MCM3AP: variants seen among roughly 807,000 people sequenced by gnomAD.
MCM3AP encodes the protein germinal-center associated nuclear protein.
In MCM3AP, 126 loss-of-function variants were observed where a neutral mutation model predicts 184.1. The observed-to-expected ratio is 0.68, with a 90% CI of 0.59 to 0.79. MCM3AP has a LOEUF of 0.79. Among genes scored for constraint, MCM3AP ranks in the 30% least tolerant of loss-of-function variants. MCM3AP has a pLI of 0.00. For synonymous variants in MCM3AP, 1,002 were observed against 979.3 expected, an observed-to-expected ratio of 1.02 and a Z score of -0.43; for missense variants, 2,496 against 2,479.2, an observed-to-expected ratio of 1.01 and a Z score of -0.14.
intron 17 of MCM3AP, among the ~76,000 whole-genome samples, chr21:46,255,175 G>A (rs147095565): frequency 1.1e-4 from 16 of 152,284 alleles, no homozygotes; most frequent in Middle Eastern, 3.4e-3. Flanking sequence ...GGCAGGGTGC[G>A]TGTTGCAGTC....
rs199675529 is a variant in MCM3AP at position 46,236,907 on chromosome 21, G to A, written c.5706C>T (p.Leu1902=). 1 of 1,574,368 alleles carries A rather than the reference G, an allele frequency of 6.4e-7. No homozygotes were observed. Among genetic ancestry groups the A allele is most frequent in the Non-Finnish European group, 8.6e-7 (1 of 1,165,454 alleles). The change falls in exon 27 of 28, where the codon CTC becomes CTT. Residue 1902 remains leucine, a synonymous_variant. Transcript: ENST00000291688. ...GAGACACTAGAGTCTGAGGAAGATA[G>A]AGGGGAAGGGAAGTTAAATCCGTAA... ...GAFTDLTSLP[L]YLPQTLVSLS...
chr21:46,242,863 G>A lies in MCM3AP; in HGVS notation c.5365C>T (p.Pro1789Ser), dbSNP rs1201842625. 14 of 1,612,710 alleles carry A rather than the reference G, an allele frequency of 8.7e-6. No homozygotes were observed. The highest frequency in any genetic ancestry group is 2.7e-5 in the African/African-American group (2 of 74,806). ...FKNDLKKYDV[P>S]LSWEQARLQT... ...AACCTGGCTTGTTCCCACGACAAAG[G>A]AACATCATATTTTTTCAAATCGTTT... is the stretch of plus-strand genomic sequence containing the variant. Residue 1789 changes from proline to serine, a missense_variant, in exon 25 of 28, where the codon CCT becomes TCT. By Grantham distance (74) the Pro-to-Ser change is moderately conservative (BLOSUM62 -1). This residue lies in a region of MCM3AP where 1,323 missense variants were observed against 1,273.4 expected (regional missense o/e 1.04). Coordinates refer to ENST00000291688, the MANE Select transcript of MCM3AP (RefSeq NM_003906.5).
chr21:46,279,960 C>T (rs370592483), intron 4 of MCM3AP, 33 bp downstream of exon 4: 52 of 1,586,558 alleles, frequency 3.3e-5, no homozygotes, highest in South Asian at 2.8e-4. Flanking sequence ...CTGGTCCTTC[C>T]GGAATAAGGT....
In MCM3AP at chr21:46,243,589, C is replaced by T. The variant is rs2080712836; in HGVS notation, c.5172G>A (p.Lys1724=). The T allele has an allele frequency of 6.2e-7, 1 of 1,614,236 alleles. No homozygotes were observed. The highest frequency in any genetic ancestry group is 8.5e-7 in the Non-Finnish European group (1 of 1,180,042). Reference sequence around the variant, plus strand: ...CTGCCCCATGGACTGGGGAGGGACTCTTGCTCTTCCACCTACAGTAGGTTC... The same window carrying T: ...CTGCCCCATGGACTGGGGAGGGACTTTTGCTCTTCCACCTACAGTAGGTTC... The part of the protein sequence containing the change: ...LHRTYCRWKS[K]SPSPVHGAGP... The change falls in exon 24 of 28, where the codon AAG becomes AAA. Residue 1724 remains lysine (K), a synonymous_variant. Transcript: ENST00000291688.
rs756260978 is a variant in MCM3AP at position 46,254,376 on chromosome 21, G to A, written c.4136+16C>T. 6.8e-6 allele frequency: 11 copies of A among 1,612,322 alleles called. No individual in the cohort carries two copies. In the Admixed American group the frequency reaches 1.5e-4, roughly 22 times the overall value. The stretch of plus-strand genomic sequence containing the variant: ...TCCACCTCTTGGAAACCCCACAGGG[G>A]AAAACCCTTCCTGACCTGCCACAAC... On this transcript the variant is annotated intron_variant, in intron 19 of 27. Transcript: ENST00000291688.
chr21:46,264,063 T>G (rs1355055689), intron 13 of MCM3AP, 54 bp downstream of exon 13: 2 of 1,264,640 alleles, frequency 1.6e-6, no homozygotes, highest in Non-Finnish European at 2.3e-6. Context: ...TCTGGAGGAC[T>G]GGGTGCAGCT....
intron 5 of MCM3AP, 27 bp downstream of exon 5, chr21:46,277,500 T>C (rs1272988570): frequency 6.6e-6 from 10 of 1,509,700 alleles, no homozygotes; most frequent in Non-Finnish European, 8.0e-6. Context: ...ACCAGGCCCC[T>C]AGAACCTCTG....
At chr21:46,247,236 G>A (rs1193472895) in intron 20 of MCM3AP, 2 of 224,280 alleles carry the variant, frequency 8.9e-6, no homozygotes, top group Non-Finnish European at 1.8e-5. Flanking sequence ...TTACAGGTTC[G>A]AGGAGCCACC....
At chr21:46,275,990 G>A (rs949547751) in intron 5 of MCM3AP, among the ~76,000 whole-genome samples, 16 of 152,250 alleles carry the variant, frequency 1.1e-4, no homozygotes, top group Admixed American at 9.2e-4. Context: ...GGTGGCTCAC[G>A]CCTGTAATCC....
chr21:46,256,744 G>A (rs757097155), intron 17 of MCM3AP, 45 bp downstream of exon 17: 1 of 1,526,364 alleles, frequency 6.6e-7, no homozygotes, highest in Non-Finnish European at 8.8e-7. Flanking sequence ...AAAACCAAGT[G>A]GGGGCAGGGG....
Position 46,254,478 on chromosome 21 carries a change from G to C in MCM3AP, c.4050C>G (p.His1350Gln), listed in dbSNP as rs753978406. 4.3e-6 allele frequency: 7 copies of C among 1,614,152 alleles called. No homozygotes were observed. In the East Asian group the frequency reaches 6.7e-5, roughly 15 times the overall value. ...SLDLPSLVAE[H>Q]LPGRQEHVFW... is the part of the protein sequence containing the mutation. The stretch of plus-strand genomic sequence containing the variant: ...ACACATGCTCCTGCCTCCCAGGGAG[G>C]TGCTCAGCCACGAGGGATGGCAGGT... Residue 1350 changes from histidine to glutamine, a missense_variant, in exon 19 of 28, where the codon CAC becomes CAG. His to Gln is a conservative substitution (Grantham distance 24). This residue lies in a region of MCM3AP where 1,323 missense variants were observed against 1,273.4 expected (regional missense o/e 1.04). Transcript: ENST00000291688.
In MCM3AP at chr21:46,235,355, G is replaced by GGT; in HGVS notation, c.5855_5856insAC (p.His1952GlnfsTer6). On this transcript the variant is annotated frameshift_variant, in exon 28 of 28. Coordinates refer to ENST00000291688, the MANE Select transcript of MCM3AP (RefSeq NM_003906.5). LOFTEE classifies it high-confidence loss of function. Reference sequence around the variant, plus strand: ...TTGAACTCCGGATCAGCCTTTCCAGGTGCTTTAGTCGTTCGCCTAGACACG... The same window carrying GGT: ...TTGAACTCCGGATCAGCCTTTCCAGGGTTGCTTTAGTCGTTCGCCTAGACACG... 1 of 1,614,130 alleles carries GGT rather than the reference G, an allele frequency of 6.2e-7. No homozygotes were observed. Among genetic ancestry groups the GGT allele is most frequent in the Non-Finnish European group, 8.5e-7 (1 of 1,180,006 alleles).
chr21:46,276,535 G>A (rs902454102), intron 5 of MCM3AP, among the ~76,000 whole-genome samples: 4 of 151,214 alleles, frequency 2.6e-5, no homozygotes, highest in South Asian at 2.1e-4. Context: ...TCAGCCTCCC[G>A]GGTTCAAGCC....
chr21:46,283,147 G>A (rs1428254212), intron 2 of MCM3AP, among the ~76,000 whole-genome samples: 2 of 152,088 alleles, frequency 1.3e-5, no homozygotes, highest in East Asian at 1.9e-4. Context: ...GGATGGTCTG[G>A]ATCTCCTGAC....
At chr21:46,271,331 T>G (rs796842518) in intron 8 of MCM3AP, among the ~76,000 whole-genome samples, 13 of 150,998 alleles carry the variant, frequency 8.6e-5, no homozygotes, top group African/African-American at 2.9e-4. Context: ...CCTGGGTTTT[T>G]TTTTTTTTTT....
At chr21:46,279,627 C>T (rs967406785) in intron 4 of MCM3AP, among the ~76,000 whole-genome samples, 3 of 152,208 alleles carry the variant, frequency 2.0e-5, no homozygotes, top group Admixed American at 1.3e-4. Context: ...TAGAAAATGC[C>T]AAGATGGAAA....
chr21:46,254,550 A>C, intron 18 of MCM3AP, 24 bp from the exon 19 acceptor site: 1 of 1,613,718 alleles, frequency 6.2e-7, no homozygotes, highest in African/African-American at 1.3e-5. Context: ...ACCACCGTGG[A>C]TTAGCCAGTG....
intron 15 of MCM3AP, 101 bp from the exon 16 acceptor site, chr21:46,259,192 A>C: frequency 1.6e-5 from 20 of 1,219,140 alleles, no homozygotes; most frequent in Non-Finnish European, 2.3e-5. Context: ...GCGGTGGCTC[A>C]CGCCTGTAAT....
Position 46,259,123 on chromosome 21 carries a change from T to C in MCM3AP, c.3582-32A>G, listed in dbSNP as rs1223327889. The C allele has an allele frequency of 1.9e-6, 3 of 1,584,416 alleles. No individual in the cohort carries two copies. The African/African-American group carries it at 4.1e-5, about 22-fold the overall frequency. The stretch of plus-strand genomic sequence containing the variant: ...ACAGGGCAATCAGCATGGAAGACAC[T>C]GCACTTGGGGCCCACAGACACTGAG... On this transcript the variant is annotated intron_variant, in intron 15 of 27. Transcript: ENST00000291688.
Sources: gnomAD v4.1 joint callset for allele counts (sites outside exome capture counted in the v4.1 genomes callset) on GRCh38, gnomAD v4.1.1 for gene constraint, gnomAD v4.1.1 regional missense constraint, MANE v1.5 for transcripts, NCBI Gene and HGNC (gene_info 2026-07-23, HGNC 2026-07-21) for gene names.